Variants in NPSR1 observed in about 807,000 individuals in gnomAD.
NPSR1 encodes the protein neuropeptide S receptor 1, also known as neuropeptide S receptor.
In NPSR1, 48 loss-of-function variants were observed where a neutral mutation model predicts 46.9. The observed-to-expected ratio is 1.02, with a 90% CI of 0.81 to 1.30. The LOEUF is 1.30. NPSR1 is among the 50% of genes most tolerant of loss of function. NPSR1 has a pLI of 0.00. For synonymous variants in NPSR1, 176 were observed against 168.1 expected, an observed-to-expected ratio of 1.05 and a Z score of -0.36; for missense variants, 450 against 449.5, an observed-to-expected ratio of 1.00 and a Z score of -0.01.
chr7:34,873,243 C>T (rs76622646), intron 8 of NPSR1, among the ~76,000 whole-genome samples: 2 of 151,852 alleles, frequency 1.3e-5, no homozygotes, highest in South Asian at 2.1e-4. Context: ...TGCAAACTTT[C>T]CTTCATCTTC....
chr7:34,779,732 C>T (rs763091691), intron 3 of NPSR1: 13 of 386,036 alleles, frequency 3.4e-5, no homozygotes, highest in South Asian at 2.6e-4. Context: ...ATATTTGCTT[C>T]CTTGTAAATA....
chr7:34,660,214 AG>A (rs35018938), intron 1 of NPSR1: 59,166 of 456,470 alleles, frequency 0.13, 5,729 homozygotes, highest in African/African-American at 0.37. Flanking sequence ...CCACTGGACA[AG>A]GAGAAAAGCA....
intron 2 of NPSR1, among the ~76,000 whole-genome samples, chr7:34,702,525 A>G (rs1279035108): frequency 6.6e-6 from 1 of 152,090 alleles, no homozygotes; most frequent in African/African-American, 2.4e-5. Context: ...TTGTCCACCC[A>G]TTGCCTGCTT....
chr7:34,838,541 C>T (rs1790457240), intron 6 of NPSR1, among the ~76,000 whole-genome samples: 4 of 152,020 alleles, frequency 2.6e-5, no homozygotes, highest in South Asian at 2.1e-4. Flanking sequence ...CAGCTGGGTC[C>T]GCATGCCAGG....
intron 3 of NPSR1, among the ~76,000 whole-genome samples, chr7:34,781,913 T>C (rs1018991563): frequency 1.8e-4 from 27 of 152,174 alleles, no homozygotes; most frequent in Admixed American, 1.4e-3. Flanking sequence ...TTAACCACCA[T>C]AGAGAGCTAG....
intron 2 of NPSR1, chr7:34,723,503 G>C (rs1022145805): frequency 6.8e-6 from 1 of 147,126 alleles, no homozygotes; most frequent in African/African-American, 2.6e-5. Flanking sequence ...GGGGGCACAA[G>C]ATTTCTAAAT....
chr7:34,733,808 A>C (rs1784546798), intron 2 of NPSR1, among the ~76,000 whole-genome samples: 1 of 152,216 alleles, frequency 6.6e-6, no homozygotes, highest in African/African-American at 2.4e-5. Context: ...CTATGGGATA[A>C]AATTACATGA....
At chr7:34,784,714 A>C (rs1450582613) in intron 3 of NPSR1, among the ~76,000 whole-genome samples, 2 of 152,106 alleles carry the variant, frequency 1.3e-5, no homozygotes, top group Non-Finnish European at 2.9e-5. Context: ...TGAGTTAGGG[A>C]GGATTCCCTC....
At position 34,663,902 on chromosome 7, in the gene NPSR1, GA is replaced by G. The variant is rs536427859; in HGVS notation, c.147+5344del. Reference sequence around the variant, plus strand: ...TGACTTGTTTCTGTCCATCTGCATTGATAAAGAGTGCAGTCTGAGGACAGTG... The same window carrying G: ...TGACTTGTTTCTGTCCATCTGCATTGTAAAGAGTGCAGTCTGAGGACAGTG... On this transcript the variant is annotated intron_variant, in intron 1 of 8. Transcript: ENST00000360581. Among the ~76,000 whole-genome samples the G allele has an allele frequency of 4.9e-3, 753 of 152,356 alleles. 6 individuals are homozygous for G. Among genetic ancestry groups the G allele is most frequent in the African/African-American group, 0.018 (732 of 41,576 alleles).
chr7:34,736,878 A>T (rs887240113), intron 2 of NPSR1, among the ~76,000 whole-genome samples: 1 of 152,188 alleles, frequency 6.6e-6, no homozygotes, highest in African/African-American at 2.4e-5. Flanking sequence ...TTATTCCCTT[A>T]CGGTTCATTG....
Position 34,798,031 on chromosome 7 carries a change from G to T in NPSR1, c.385-13739G>T, listed in dbSNP as rs188023551. The stretch of plus-strand genomic sequence containing the variant: ...TTTCTTACAAAAAATGCTAAAAGAA[G>T]TTCTTCAGATAAAGGGGAAAATGAT... On this transcript the variant is annotated intron_variant, in intron 3 of 8. Coordinates refer to ENST00000360581, the MANE Select transcript of NPSR1 (RefSeq NM_207172.2). Among the ~76,000 whole-genome samples, 20 of 152,138 alleles carry T rather than the reference G, an allele frequency of 1.3e-4. No individual in the cohort carries two copies. The East Asian group carries it at 3.7e-3, about 28-fold the overall frequency.
intron 2 of NPSR1, among the ~76,000 whole-genome samples, chr7:34,775,430 A>G (rs145632033): frequency 1.3e-5 from 2 of 152,246 alleles, no homozygotes; most frequent in East Asian, 3.9e-4. Flanking sequence ...TTCTTCATTA[A>G]ATGTTTGGTA....
intron 2 of NPSR1, among the ~76,000 whole-genome samples, chr7:34,771,156 G>A (rs1026735955): frequency 6.6e-6 from 1 of 152,178 alleles, no homozygotes; most frequent in Admixed American, 6.6e-5. Context: ...CAGAAAGGGC[G>A]AGATGCAGTG....
chr7:34,676,689 A>G (rs1583785667), intron 1 of NPSR1, among the ~76,000 whole-genome samples: 1 of 152,332 alleles, frequency 6.6e-6, no homozygotes, highest in African/African-American at 2.4e-5. Flanking sequence ...CTCTTGTAGC[A>G]CCAACGCCTT....
chr7:34,793,826 A>G (rs1434318024), intron 3 of NPSR1, among the ~76,000 whole-genome samples: 1 of 152,158 alleles, frequency 6.6e-6, no homozygotes, highest in Non-Finnish European at 1.5e-5. Context: ...ATCTATGTCC[A>G]TCAATGGATG....
At chr7:34,797,787 G>A (rs1788246062) in intron 3 of NPSR1, among the ~76,000 whole-genome samples, 1 of 152,050 alleles carries the variant, frequency 6.6e-6, no homozygotes, top group Admixed American at 6.6e-5. Flanking sequence ...GAAGTTGAGG[G>A]GGAAACTTAC....
intron 3 of NPSR1, chr7:34,779,650 C>T (rs2128737351): frequency 9.2e-7 from 1 of 1,082,840 alleles, no homozygotes; most frequent in Non-Finnish European, 1.2e-6. Flanking sequence ...CTGAAAGAGC[C>T]TTTTCTATTA....
chr7:34,789,636 T>C (rs1458519473), intron 3 of NPSR1, among the ~76,000 whole-genome samples: 1 of 138,724 alleles, frequency 7.2e-6, no homozygotes, highest in African/African-American at 2.7e-5. Flanking sequence ...CTACTAAAGA[T>C]ACAAAAATTA....
At chr7:34,765,351 A>G (rs946819619) in intron 2 of NPSR1, among the ~76,000 whole-genome samples, 2 of 152,372 alleles carry the variant, frequency 1.3e-5, no homozygotes, top group East Asian at 1.9e-4. Context: ...GCTATTAGAC[A>G]CGGACTTTAA....
Sources: gnomAD v4.1 joint callset for allele counts (sites outside exome capture counted in the v4.1 genomes callset) on GRCh38, gnomAD v4.1.1 for gene constraint, MANE v1.5 for transcripts, NCBI Gene and HGNC (gene_info 2026-07-23, HGNC 2026-07-21) for gene names.